SPATA6: variants seen among roughly 807,000 people sequenced by gnomAD.
The protein encoded by SPATA6 is spermatogenesis-associated protein 6.
SPATA6 carries 56 observed loss-of-function variants against 65.3 expected under a neutral mutation model. The observed-to-expected ratio is 0.86, with a 90% CI of 0.69 to 1.07. SPATA6 has a LOEUF of 1.07. Ranked by LOEUF, SPATA6 falls within the 50% of genes least tolerant of loss-of-function variation. SPATA6 has a pLI of 0.00. For synonymous variants in SPATA6, 199 were observed against 213.2 expected, an observed-to-expected ratio of 0.93 and a Z score of 0.58; for missense variants, 590 against 594.8, an observed-to-expected ratio of 0.99 and a Z score of 0.08.
chr1:48,367,336 A>C (rs1266692709), intron 9 of SPATA6, among the ~76,000 whole-genome samples: 1 of 152,052 alleles, frequency 6.6e-6, no homozygotes, highest in Non-Finnish European at 1.5e-5. Flanking sequence ...GCTGAGTTCA[A>C]TTCCTGGGTA....
At chr1:48,347,523 AAATT>A (rs200031828) in intron 11 of SPATA6, among the ~76,000 whole-genome samples, 3,597 of 147,510 alleles carry the variant, frequency 0.024, 92 homozygotes, top group African/African-American at 0.066. Context: ...ATAATGTATT[AAATT>A]AATTATAGTA....
At chr1:48,414,012 T>A (rs112221793) in intron 3 of SPATA6, among the ~76,000 whole-genome samples, 10 of 152,346 alleles carry the variant, frequency 6.6e-5, no homozygotes, top group African/African-American at 2.4e-4. Context: ...TAGACCTCTA[T>A]GTATGGTACA....
At chr1:48,330,074 C>T (rs993640558) in intron 11 of SPATA6, among the ~76,000 whole-genome samples, 3 of 152,214 alleles carry the variant, frequency 2.0e-5, no homozygotes, top group African/African-American at 7.2e-5. Context: ...AGTAACATTG[C>T]TCCACCACTG....
chr1:48,374,869 T>G (rs1054783360), intron 9 of SPATA6, among the ~76,000 whole-genome samples: 1 of 152,142 alleles, frequency 6.6e-6, no homozygotes, highest in Non-Finnish European at 1.5e-5. Context: ...CAAAACCATA[T>G]AAATATCAGC....
chr1:48,362,881 C>A (rs1646859349), intron 9 of SPATA6, among the ~76,000 whole-genome samples: 1 of 152,042 alleles, frequency 6.6e-6, no homozygotes, highest in South Asian at 2.1e-4. Flanking sequence ...GGGAGGGATA[C>A]ATTGTACAAG....
chr1:48,340,546 GT>G (rs1646186001), intron 11 of SPATA6, among the ~76,000 whole-genome samples: 2 of 151,394 alleles, frequency 1.3e-5, no homozygotes, highest in Admixed American at 6.6e-5. Flanking sequence ...AAGAATACAT[GT>G]TTTGTACAGG....
At chr1:48,449,864 A>C (rs1656402411) in intron 3 of SPATA6, among the ~76,000 whole-genome samples, 1 of 152,220 alleles carries the variant, frequency 6.6e-6, no homozygotes, top group Non-Finnish European at 1.5e-5. Context: ...GACATAATGC[A>C]TAGAATTTGC....
the SPATA6 span, among the ~76,000 whole-genome samples, chr1:48,283,988 TG>T: frequency 6.6e-6 from 1 of 152,154 alleles, no homozygotes; most frequent in Non-Finnish European, 1.5e-5. Context: ...CTTGCTAGGT[TG>T]GGGAAGTTCT....
chr1:48,280,237 T>A, the SPATA6 span, among the ~76,000 whole-genome samples: 1 of 151,908 alleles, frequency 6.6e-6, no homozygotes, highest in African/African-American at 2.4e-5. Flanking sequence ...GCAGGAAAGA[T>A]GCAAAATTGA....
chr1:48,297,835 TG>T lies in SPATA6; in HGVS notation c.*877del, dbSNP rs905335659. ...ATTTTACTCACATTGTGGTTCCAAG[TG>T]TTTTTTTTTTTAAAGTGAGGATACT... On this transcript the variant is annotated 3_prime_UTR_variant, in exon 13 of 13. Coordinates refer to ENST00000371847, the MANE Select transcript of SPATA6 (RefSeq NM_019073.4). 14 of 152,084 alleles carry T rather than the reference TG, an allele frequency of 9.2e-5. No individual in the cohort carries two copies. Among genetic ancestry groups the T allele is most frequent in the Admixed American group, 9.2e-4 (14 of 15,262 alleles). The allele number at this position is 152,084 out of a possible 1,614,324, so 9.4% of individuals were successfully genotyped here. A position where few individuals can be genotyped will look rare whatever the true frequency, so the allele number is the denominator to read the frequency against.
intron 3 of SPATA6, among the ~76,000 whole-genome samples, chr1:48,424,293 C>T (rs1653633981): frequency 6.6e-6 from 1 of 152,202 alleles, no homozygotes. Context: ...ACATAATGAT[C>T]TACAGTTCCA....
At chr1:48,391,203 G>A (rs1214254583) in intron 8 of SPATA6, among the ~76,000 whole-genome samples, 31 of 108,382 alleles carry the variant, frequency 2.9e-4, no homozygotes, top group African/African-American at 3.9e-4. Context: ...AATCTCTACA[G>A]AAAAAAAAAA....
intron 4 of SPATA6, among the ~76,000 whole-genome samples, chr1:48,412,644 A>T (rs963551952): frequency 1.3e-5 from 2 of 152,016 alleles, no homozygotes; most frequent in African/African-American, 4.8e-5. Flanking sequence ...TTTGAGACGG[A>T]GTCTCGCTCT....
At position 48,384,414 on chromosome 1, in the gene SPATA6, G is replaced by C. The variant is rs867490039; in HGVS notation, c.909+895C>G. ...GGAGAGGGAGAGGGAGAGGGAGAGG[G>C]AGAGGGAGAGGGGTTTTTCTTTTGT... On this transcript the variant is annotated intron_variant, in intron 9 of 12. Transcript: ENST00000371847. Among the ~76,000 whole-genome samples, 4 of 119,988 alleles carry C rather than the reference G, an allele frequency of 3.3e-5. No homozygotes were observed. The East Asian group carries it at 7.8e-4, about 23-fold the overall frequency. The allele number at this position is 119,988 out of a possible 152,430, so 78.7% of individuals were successfully genotyped here.
At chr1:48,264,215 A>G in the SPATA6 span, among the ~76,000 whole-genome samples, 1 of 152,206 alleles carries the variant, frequency 6.6e-6, no homozygotes, top group African/African-American at 2.4e-5. Flanking sequence ...ATGGAAACCC[A>G]TTATTTGAGT....
At chr1:48,274,190 TTTTG>T in the SPATA6 span, among the ~76,000 whole-genome samples, 17 of 151,958 alleles carry the variant, frequency 1.1e-4, no homozygotes, top group Admixed American at 6.6e-5. Context: ...TTTGATGGGG[TTTTG>T]TTTTTTTCTT....
At chr1:48,321,925 C>T (rs1038307711) in intron 11 of SPATA6, among the ~76,000 whole-genome samples, 6 of 152,060 alleles carry the variant, frequency 3.9e-5, no homozygotes, top group Admixed American at 3.3e-4. Flanking sequence ...AGTCAATAAA[C>T]ATATTAAGAA....
At chr1:48,335,012 C>T (rs1335082130) in intron 11 of SPATA6, among the ~76,000 whole-genome samples, 2 of 152,062 alleles carry the variant, frequency 1.3e-5, no homozygotes, top group Admixed American at 6.6e-5. Context: ...AGAGCCAAAT[C>T]AGGAATGCAA....
intron 3 of SPATA6, among the ~76,000 whole-genome samples, chr1:48,442,396 TA>T (rs1203990896): frequency 6.6e-6 from 1 of 152,158 alleles, no homozygotes; most frequent in African/African-American, 2.4e-5. Context: ...ATCATGGAGT[TA>T]CTGCATGCAG....
Sources: gnomAD v4.1 joint callset for allele counts (sites outside exome capture counted in the v4.1 genomes callset) on GRCh38, gnomAD v4.1.1 for gene constraint, MANE v1.5 for transcripts, NCBI Gene and HGNC (gene_info 2026-07-23, HGNC 2026-07-21) for gene names.